Variants in PVT1 observed in about 807,000 individuals in gnomAD.
PVT1 encodes CXCR4/PVT1 fusion.
intron 3 of PVT1, among the ~76,000 whole-genome samples, chr8:127,982,680 A>G (rs796141988): frequency 4.5e-5 from 5 of 109,992 alleles, no homozygotes; most frequent in Admixed American, 3.2e-4. Flanking sequence ...ATTAATTAAT[A>G]AAATAAATGA....
At chr8:127,865,553 C>G (rs746562806) in intron 2 of PVT1, among the ~76,000 whole-genome samples, 2 of 152,120 alleles carry the variant, frequency 1.3e-5, no homozygotes, top group Non-Finnish European at 2.9e-5. Flanking sequence ...AGTAACATTG[C>G]TGGCTTTGAG....
intron 4 of PVT1, among the ~76,000 whole-genome samples, chr8:128,040,794 T>G (rs12547679): frequency 0.55 from 82,812 of 151,610 alleles, 23,342 homozygotes; most frequent in East Asian, 0.7. Flanking sequence ...GTGCTTGTGT[T>G]TGAGTGCTTC....
intron 2 of PVT1, among the ~76,000 whole-genome samples, chr8:127,808,743 C>A (rs1215966087): frequency 1.3e-5 from 2 of 151,936 alleles, no homozygotes; most frequent in Non-Finnish European, 2.9e-5. Context: ...GAAAGGACTT[C>A]TTGGGACCAG....
intron 3 of PVT1, among the ~76,000 whole-genome samples, chr8:127,938,154 G>A (rs1473636804): frequency 6.6e-6 from 1 of 152,150 alleles, no homozygotes; most frequent in Non-Finnish European, 1.5e-5. Context: ...GCTGGGATGG[G>A]GGTGGTATCC....
At chr8:127,954,581 C>T (rs1816546909) in intron 3 of PVT1, among the ~76,000 whole-genome samples, 1 of 152,214 alleles carries the variant, frequency 6.6e-6, no homozygotes, top group South Asian at 2.1e-4. Flanking sequence ...GCATGAGCCA[C>T]TGCGCCAGGC....
intron 3 of PVT1, among the ~76,000 whole-genome samples, chr8:127,942,347 A>G (rs1816363399): frequency 6.6e-6 from 1 of 152,208 alleles, no homozygotes. Flanking sequence ...CTGTGATGAC[A>G]GGAAAGAAAT....
intron 4 of PVT1, among the ~76,000 whole-genome samples, chr8:128,050,456 C>T (rs907513143): frequency 6.6e-6 from 1 of 152,198 alleles, no homozygotes; most frequent in African/African-American, 2.4e-5. Flanking sequence ...GACTGAATGC[C>T]TCCGAGCCTC....
At chr8:127,923,288 G>T (rs1366609515) in intron 3 of PVT1, among the ~76,000 whole-genome samples, 2 of 152,204 alleles carry the variant, frequency 1.3e-5, no homozygotes, top group Non-Finnish European at 2.9e-5. Flanking sequence ...GAAGCAGACG[G>T]GCCATTCATT....
At chr8:128,049,253 A>T (rs919086240) in intron 4 of PVT1, 1 of 518,936 alleles carries the variant, frequency 1.9e-6, no homozygotes, top group African/African-American at 1.9e-5. Context: ...TGACCTACAC[A>T]GAAGCAGGTC....
intron 6 of PVT1, among the ~76,000 whole-genome samples, chr8:128,097,526 G>T (rs1348899697): frequency 6.6e-6 from 1 of 152,082 alleles, no homozygotes; most frequent in Non-Finnish European, 1.5e-5. Flanking sequence ...CTAAAATATT[G>T]ACCCTCTGGC....
intron 4 of PVT1, among the ~76,000 whole-genome samples, chr8:128,051,063 G>A (rs181934529): frequency 1.1e-4 from 17 of 152,332 alleles, no homozygotes; most frequent in Admixed American, 7.2e-4. Context: ...AACCATTTAT[G>A]GGACGATTGA....
intron 2 of PVT1, among the ~76,000 whole-genome samples, chr8:127,805,613 C>G (rs1014665175): frequency 1.3e-5 from 2 of 152,086 alleles, no homozygotes; most frequent in African/African-American, 4.8e-5. Flanking sequence ...TCTTCACTCT[C>G]ATTTATTGGC....
chr8:127,831,340 C>T (rs543887127), intron 2 of PVT1, among the ~76,000 whole-genome samples: 10 of 151,714 alleles, frequency 6.6e-5, no homozygotes, highest in Non-Finnish European at 1.2e-4. Flanking sequence ...GCATCAGCAA[C>T]CTGGCAGATG....
In PVT1 at chr8:127,876,240, C is replaced by T. The variant is rs180918599; in HGVS notation, n.373-14349C>T. On this transcript the variant is annotated intron_variant and non_coding_transcript_variant, in intron 2 of 10. Coordinates refer to ENST00000651587, the Ensembl canonical transcript of PVT1. Reference sequence around the variant, plus strand: ...GAAAACATACAGTGATTCACACACACGCCCCAAACAGCAGTGTGTGTGTGT... The same window carrying T: ...GAAAACATACAGTGATTCACACACATGCCCCAAACAGCAGTGTGTGTGTGT... 5.1e-3 allele frequency among the ~76,000 whole-genome samples: 712 copies of T among 140,134 alleles called. 2 individuals carry two copies. Among genetic ancestry groups the T allele is most frequent in the Non-Finnish European group, 8.0e-3 (528 of 65,658 alleles). 91.9% of individuals were successfully genotyped at this position (140,134 alleles called of 152,430 possible). A position where few individuals can be genotyped will look rare whatever the true frequency, so the allele number is the denominator to read the frequency against.
intron 3 of PVT1, among the ~76,000 whole-genome samples, chr8:127,895,746 G>C (rs1815666980): frequency 6.6e-6 from 1 of 152,196 alleles, no homozygotes; most frequent in Non-Finnish European, 1.5e-5. Context: ...AACATGCTAA[G>C]TAGGTTATAT....
chr8:127,997,661 G>A (rs1267453630), intron 4 of PVT1, among the ~76,000 whole-genome samples: 2 of 152,198 alleles, frequency 1.3e-5, no homozygotes, highest in African/African-American at 4.8e-5. Context: ...TGTGAAAACA[G>A]TTCAAAAAGT....
At chr8:127,904,597 G>A (rs985959742) in intron 3 of PVT1, among the ~76,000 whole-genome samples, 2 of 152,144 alleles carry the variant, frequency 1.3e-5, no homozygotes, top group Non-Finnish European at 2.9e-5. Context: ...CACTTGCCAG[G>A]CAGCAAACCG....
At chr8:127,980,794 T>C (rs111967824) in intron 3 of PVT1, among the ~76,000 whole-genome samples, 66 of 134,956 alleles carry the variant, frequency 4.9e-4, no homozygotes, top group African/African-American at 1.7e-3. Flanking sequence ...ACAGCTTCTT[T>C]TTTTTTTTTT....
intron 3 of PVT1, among the ~76,000 whole-genome samples, chr8:127,908,876 A>ACCCTCCGCCTCTGTCT (rs1441950657): frequency 6.6e-6 from 1 of 152,044 alleles, no homozygotes; most frequent in Non-Finnish European, 1.5e-5. Context: ...AGGTACGGTC[A>ACCCTCCGCCTCTGTCT]CCCTCCGCCT....
Sources: allele counts gnomAD v4.1 joint callset (sites outside exome capture counted in the v4.1 genomes callset), GRCh38; gene constraint gnomAD v4.1.1; transcripts MANE v1.5; gene names NCBI Gene and HGNC (gene_info 2026-07-23, HGNC 2026-07-21).